ZNF574: variants seen among roughly 807,000 people sequenced by gnomAD.
ZNF574 encodes zinc finger protein 574.
In ZNF574, 25 loss-of-function variants were observed where a neutral mutation model predicts 56.6. The ratio of observed to expected loss-of-function variants is 0.44; its 90% CI spans 0.32 to 0.62. The LOEUF (loss-of-function observed/expected upper bound fraction) is 0.62, where lower values mean the gene tolerates loss of function less well. Ranked by LOEUF, ZNF574 falls within the 20% of genes least tolerant of loss-of-function variation. The pLI, the probability that ZNF574 is intolerant of heterozygous loss-of-function variation, is 0.04. For missense variants in ZNF574, 1,065 were observed against 1,218.9 expected (o/e 0.87, Z 1.88); for synonymous variants, 543 against 492.1 (o/e 1.10, Z -1.37).
chr19:42,068,668 C>A, exon 1 of ZNF574: 1 of 429,494 alleles, frequency 2.3e-6, no homozygotes, highest in South Asian at 6.2e-5. Context: ...AGAGGGAAGC[C>A]AGGGTGGAGG....
At chr19:42,075,408 A>G (rs1162651984), upstream of ZNF574, among the ~76,000 whole-genome samples, 1 of 151,398 alleles carries the variant, frequency 6.6e-6, no homozygotes, top group African/African-American at 2.4e-5. Flanking sequence ...TACCCACCAC[A>G]CTCCCTATTT....
rs765890957 is a variant in ZNF574, at chr19:42,079,893, A to G, written c.1287A>G (p.Glu429=). Residue 429 remains glutamate (E), a synonymous_variant, in exon 2 of 2, where the codon GAA becomes GAG. Transcript: ENST00000359044. This position sits in a 1 kb window ranked among gnomAD's most constrained non-coding sequence, Gnocchi z 4.3. ...PLPTTPVPPE[E]PVIGFPEPAP... is the part of the protein sequence containing the mutation. ...CCACAACACCAGTCCCACCAGAGGA[A>G]CCTGTCATTGGTTTCCCTGAGCCAG... The G allele has an allele frequency of 1.2e-6, 2 of 1,613,856 alleles. No homozygotes were observed. The highest frequency in any genetic ancestry group is 1.7e-6 in the Non-Finnish European group (2 of 1,180,002).
At chr19:42,073,161 A>C (rs910405058), upstream of ZNF574, among the ~76,000 whole-genome samples, 3 of 152,174 alleles carry the variant, frequency 2.0e-5, no homozygotes, top group African/African-American at 7.2e-5. Flanking sequence ...GTAGACTGTA[A>C]GGTCAACTCC....
chr19:42,078,095 A>T (rs1568943275), intron 1 of ZNF574, among the ~76,000 whole-genome samples: 2 of 151,900 alleles, frequency 1.3e-5, no homozygotes, highest in Admixed American at 1.3e-4. Context: ...AAGTCTGAGA[A>T]CCTGGGAGAA....
At position 42,080,426 on chromosome 19, in the gene ZNF574, A is replaced by T; in HGVS notation, c.1820A>T (p.Tyr607Phe). ...TACCATCACACAGGTGAATACCCCT[A>T]CAAGTGTCGCGAGTGCCCCCGCTCC... ...HRYHHTGEYPYKCRECPRSFL... is the reference protein window; with the variant it reads ...HRYHHTGEYPFKCRECPRSFL... The change falls in exon 2 of 2, where the codon TAC becomes TTC. Residue 607 changes from tyrosine to phenylalanine, a missense_variant. By Grantham distance (22) the Tyr-to-Phe change is conservative. Coordinates refer to ENST00000359044, the MANE Select transcript of ZNF574 (RefSeq NM_022752.6). This position sits in a 1 kb window ranked among gnomAD's most constrained non-coding sequence, Gnocchi z 8.5. The T allele has an allele frequency of 1.2e-6, 2 of 1,614,102 alleles. No homozygotes were observed. Among genetic ancestry groups the T allele is most frequent in the Non-Finnish European group, 1.7e-6 (2 of 1,180,006 alleles).
rs2076497919 is a variant in ZNF574, at chr19:42,081,139, C to A, written c.2533C>A (p.Gln845Lys). The A allele has an allele frequency of 6.2e-7, 1 of 1,614,036 alleles. No homozygotes were observed. Among genetic ancestry groups the A allele is most frequent in the Admixed American group, 1.7e-5 (1 of 60,014 alleles). Residue 845 changes from glutamine (Q) to lysine (K), a missense_variant, in exon 2 of 2, where the codon CAG becomes AAG. Gln to Lys is a moderately conservative substitution (Grantham distance 53). Transcript: ENST00000359044. ...SNLWKHRKTH[Q>K]QQHQAAVRQQ... is the part of the protein sequence containing the mutation. ...CCTCTGGAAGCACCGCAAGACCCAT[C>A]AGCAGCAGCATCAGGCAGCTGTGCG...
In ZNF574 at chr19:42,081,275, A is replaced by G. The variant is rs746922495; in HGVS notation, c.2669A>G (p.Glu890Gly). The G allele has an allele frequency of 3.1e-6, 5 of 1,613,948 alleles. No individual in the cohort carries two copies. Among genetic ancestry groups the G allele is most frequent in the Non-Finnish European group, 3.4e-6 (4 of 1,180,008 alleles). The change falls in exon 2 of 2, where the codon GAG becomes GGG. Residue 890 changes from glutamate to glycine, a missense_variant. Glu to Gly is a moderately conservative substitution (Grantham distance 98, BLOSUM62 -2). Coordinates refer to ENST00000359044, the MANE Select transcript of ZNF574 (RefSeq NM_022752.6). ...AIEIYPLAEA[E>G]GVQISG ...GAGATCTACCCTCTGGCCGAGGCTG[A>G]GGGGGTCCAGATCAGTGGCTGACTC...
At chr19:42,074,335 G>A (rs180688230), upstream of ZNF574, among the ~76,000 whole-genome samples, 12 of 149,758 alleles carry the variant, frequency 8.0e-5, no homozygotes, top group African/African-American at 2.5e-4. Flanking sequence ...AGCGCCTGTA[G>A]TCACAGGTAC....
intron 1 of ZNF574, among the ~76,000 whole-genome samples, chr19:42,077,926 G>T (rs758568950): frequency 6.6e-6 from 1 of 152,006 alleles, no homozygotes; most frequent in Non-Finnish European, 1.5e-5. Flanking sequence ...AAATTTGACT[G>T]GGGGGAAGGG....
chr19:42,069,767 T>C (rs1257207835), intron 1 of ZNF574, among the ~76,000 whole-genome samples: 1 of 151,194 alleles, frequency 6.6e-6, no homozygotes, highest in Non-Finnish European at 1.5e-5. Context: ...CCCTCCCCCC[T>C]GGAGCCTGGG....
upstream of ZNF574, among the ~76,000 whole-genome samples, chr19:42,075,619 G>C (rs1412210348): frequency 6.6e-6 from 1 of 152,124 alleles, no homozygotes; most frequent in Non-Finnish European, 1.5e-5. Context: ...GACTGGTGCT[G>C]CATGCAGTTT....
Position 42,081,268 on chromosome 19 carries a change from G to A in ZNF574, c.2662G>A (p.Glu888Lys), listed in dbSNP as rs1207826569. ...VEAIEIYPLA[E>K]AEGVQISG ...AGCCATTGAGATCTACCCTCTGGCC[G>A]AGGCTGAGGGGGTCCAGATCAGTGG... Residue 888 changes from glutamate to lysine, a missense_variant, in exon 2 of 2, where the codon GAG (glutamate) becomes AAG (lysine). Coordinates refer to ENST00000359044, the MANE Select transcript of ZNF574 (RefSeq NM_022752.6). 5.0e-6 allele frequency: 8 copies of A among 1,614,100 alleles called. No homozygotes were observed. Among genetic ancestry groups the A allele is most frequent in the Middle Eastern group, 1.6e-4 (1 of 6,062 alleles).
rs2076500536 is a variant in ZNF574, at chr19:42,081,322, C to T, written c.*25C>T. 4 of 1,614,006 alleles carry T rather than the reference C, an allele frequency of 2.5e-6. No individual in the cohort carries two copies. Among genetic ancestry groups the T allele is most frequent in the Middle Eastern group, 1.6e-4 (1 of 6,062 alleles). ...ACTCTGCCCGACTTCCTCTTTGGCA[C>T]CTCCATTCCCTGTTGCTGAAGGCCC... On this transcript the variant is annotated 3_prime_UTR_variant, in exon 2 of 2. Transcript: ENST00000359044.
Position 42,079,765 on chromosome 19 carries a change from A to C in ZNF574, c.1159A>C (p.Thr387Pro). The C allele has an allele frequency of 6.2e-7, 1 of 1,614,068 alleles. No homozygotes were observed. Among genetic ancestry groups the C allele is most frequent in the Non-Finnish European group, 8.5e-7 (1 of 1,179,996 alleles). The change falls in exon 2 of 2, where the codon ACC (threonine) becomes CCC (proline). Residue 387 changes from threonine to proline, a missense_variant. Transcript: ENST00000359044. The surrounding 1 kb of genome is among the most constrained non-coding windows in gnomAD (Gnocchi z 4.3). The stretch of plus-strand genomic sequence containing the variant: ...CCTCCTGGCCCACCGGCGAGCCCAC[A>C]CCCCGAATCCTCTGCATTCATGTCC... ...ALLLAHRRAH[T>P]PNPLHSCPCG...
upstream of ZNF574, among the ~76,000 whole-genome samples, chr19:42,073,156 C>T (rs977599551): frequency 6.6e-6 from 1 of 152,202 alleles, no homozygotes. Context: ...AGAATGTAGA[C>T]TGTAAGGTCA....
chr19:42,073,543 G>A (rs569051754), upstream of ZNF574, among the ~76,000 whole-genome samples: 113 of 148,464 alleles, frequency 7.6e-4, no homozygotes, highest in Middle Eastern at 3.6e-3. Context: ...AAAAAAACCC[G>A]GGCATGGTGG....
chr19:42,081,024 C>T lies in ZNF574; in HGVS notation c.2418C>T (p.Ser806=), dbSNP rs760973588. ...TGTGTGGCAAGGCCTTTGCCATCTC[C>T]ATGCGCCTGGCAGAACATCGCCGCA... ...CEVCGKAFAI[S]MRLAEHRRIH... Residue 806 remains serine (S), a synonymous_variant, in exon 2 of 2, where the codon TCC becomes TCT. Transcript: ENST00000359044. The T allele has an allele frequency of 1.4e-5, 22 of 1,614,178 alleles. No homozygotes were observed. In the Admixed American group the frequency reaches 3.7e-4, roughly 27 times the overall value.
upstream of ZNF574, among the ~76,000 whole-genome samples, chr19:42,072,210 C>T (rs1254500251): frequency 6.6e-6 from 1 of 151,418 alleles, no homozygotes; most frequent in African/African-American, 2.4e-5. Flanking sequence ...TACCTGGATC[C>T]TCAAATTTTC....
intron 1 of ZNF574, among the ~76,000 whole-genome samples, chr19:42,077,199 G>T (rs1454665956): frequency 6.6e-6 from 1 of 152,082 alleles, no homozygotes; most frequent in Non-Finnish European, 1.5e-5. Flanking sequence ...GGGCTTGAGT[G>T]TGAGGAAGAG....
Sources: allele counts gnomAD v4.1 joint callset (sites outside exome capture counted in the v4.1 genomes callset), GRCh38; gene constraint gnomAD v4.1.1; non-coding constraint Gnocchi (gnomAD v3.1); transcripts MANE v1.5; gene names NCBI Gene and HGNC (gene_info 2026-07-23, HGNC 2026-07-21).